MYO1G: variants seen among roughly 807,000 people sequenced by gnomAD.
MYO1G encodes the protein unconventional myosin-Ig.
Under a neutral mutation model 115.3 loss-of-function variants are expected in MYO1G, and 65 were observed. The observed-to-expected ratio is 0.56, with a 90% CI of 0.46 to 0.69. The LOEUF (loss-of-function observed/expected upper bound fraction) is 0.69. MYO1G is among the 30% of genes least tolerant of loss of function. MYO1G has a pLI of 0.00. For missense variants in MYO1G, 1,204 were observed against 1,393.5 expected, an observed-to-expected ratio of 0.86 and a Z score of 2.16; for synonymous variants, 510 against 552.6, an observed-to-expected ratio of 0.92 and a Z score of 1.08.
At chr7:44,975,299 C>G in intron 4 of MYO1G, 72 bp from the exon 5 acceptor site, 1 of 1,578,502 alleles carries the variant, frequency 6.3e-7, no homozygotes, top group South Asian at 1.1e-5. Flanking sequence ...CTGAACATTC[C>G]CAGGTGCAAG....
At chr7:44,965,137 G>C (rs775662682) in intron 17 of MYO1G, 48 bp from the exon 18 acceptor site, 2 of 1,569,382 alleles carry the variant, frequency 1.3e-6, no homozygotes, top group Admixed American at 1.7e-5. Flanking sequence ...GTGTTCATGT[G>C]CTCCCTGAGC....
rs772172953 is a variant in MYO1G at position 44,965,704 on chromosome 7, G to A, written c.2314C>T (p.Leu772Phe). The change falls in exon 17 of 22, where the codon CTT (leucine) becomes TTT (phenylalanine). Residue 772 changes from leucine (L) to phenylalanine (F), a missense_variant. Transcript: ENST00000258787. ...ACAGCAGGGGGCAGCGGCCACACAA[G>A]GTCACGCCCGTAGAGTGGCGGCTGC... ...ARQPPLYGRD[L>F]VWPLPPAVLQ... The A allele has an allele frequency of 2.5e-5, 41 of 1,613,080 alleles. No individual in the cohort carries two copies. Among genetic ancestry groups the A allele is most frequent in the Non-Finnish European group, 3.3e-5 (39 of 1,180,024 alleles).
At position 44,962,992 on chromosome 7, in the gene MYO1G, C is replaced by T. The variant is rs1562825522; in HGVS notation, c.2878G>A (p.Val960Met). ...CACCCCTGGCAGTGTGCGGCCAGCA[C>T]GCCCACCAGCTCCCCAACGCGGTTG... is the stretch of plus-strand genomic sequence containing the variant. ...LDNRVGELVG[V>M]LAAHCQGEGR... The change falls in exon 21 of 22, where the codon GTG (valine) becomes ATG (methionine). Residue 960 changes from valine (V) to methionine (M), a missense_variant. Transcript: ENST00000258787. The surrounding 1 kb of genome is among the most constrained non-coding windows in gnomAD (Gnocchi z 5.3). 8 of 1,532,808 alleles carry T rather than the reference C, an allele frequency of 5.2e-6. No homozygotes were observed. The highest frequency in any genetic ancestry group is 6.1e-6 in the Non-Finnish European group (7 of 1,144,238). 95.0% of individuals were successfully genotyped at this position (1,532,808 alleles called of 1,614,324 possible).
chr7:44,967,499 T>C, intron 14 of MYO1G, 106 bp downstream of exon 14: 1 of 1,451,326 alleles, frequency 6.9e-7, no homozygotes, highest in Non-Finnish European at 9.5e-7. Flanking sequence ...ACAAGAACCC[T>C]CTCCCCACCA....
chr7:44,977,160 A>G, intron 1 of MYO1G, 89 bp from the exon 2 acceptor site: 2 of 1,282,158 alleles, frequency 1.6e-6, no homozygotes, highest in East Asian at 2.4e-5. Flanking sequence ...GCCTGGCCCC[A>G]GTAGGCCAGC....
At position 44,965,695 on chromosome 7, in the gene MYO1G, G is replaced by A. The variant is rs1294886757; in HGVS notation, c.2323C>T (p.Pro775Ser). 2 of 1,613,310 alleles carry A rather than the reference G, an allele frequency of 1.2e-6. No homozygotes were observed. Among genetic ancestry groups the A allele is most frequent in the Non-Finnish European group, 8.5e-7 (1 of 1,180,018 alleles). ...PPLYGRDLVWPLPPAVLQPFQ... is the reference protein window; with the variant it reads ...PPLYGRDLVWSLPPAVLQPFQ... Reference sequence around the variant, plus strand: ...GGCTGCAGCACAGCAGGGGGCAGCGGCCACACAAGGTCACGCCCGTAGAGT... The same window carrying A: ...GGCTGCAGCACAGCAGGGGGCAGCGACCACACAAGGTCACGCCCGTAGAGT... Residue 775 changes from proline to serine, a missense_variant, in exon 17 of 22, where the codon CCG (proline) becomes TCG (serine). Physicochemically the swap from Pro to Ser is moderately conservative, Grantham distance 74. Transcript: ENST00000258787.
rs1203398519 is a variant in MYO1G at position 44,964,324 on chromosome 7, GC to G, written c.2631+90del. ...GGGTTGCCTCCATTTTCTCCCAAGT[GC>G]CCCCCCAAAACTCTGCACCAGCTTC... On this transcript the variant is annotated intron_variant, in intron 19 of 21. Coordinates refer to ENST00000258787, the MANE Select transcript of MYO1G (RefSeq NM_033054.3). This position sits in a 1 kb window ranked among gnomAD's most constrained non-coding sequence, Gnocchi z 5.1. 10 of 1,386,748 alleles carry G rather than the reference GC, an allele frequency of 7.2e-6. No individual in the cohort carries two copies. The East Asian group carries it at 9.2e-5, about 13-fold the overall frequency. The allele number at this position is 1,386,748 out of a possible 1,614,324, so 85.9% of individuals were successfully genotyped here. A position where few individuals can be genotyped will look rare whatever the true frequency, so the allele number is the denominator to read the frequency against.
In MYO1G at chr7:44,976,939, G is replaced by C; in HGVS notation, c.228C>G (p.Pro76=). The C allele has an allele frequency of 6.2e-7, 1 of 1,613,604 alleles. No individual in the cohort carries two copies. The highest frequency in any genetic ancestry group is 8.5e-7 in the Non-Finnish European group (1 of 1,180,026). Residue 76 remains proline (P), a synonymous_variant, in exon 2 of 22, where the codon CCC becomes CCG. Coordinates refer to ENST00000258787, the MANE Select transcript of MYO1G (RefSeq NM_033054.3). ...CGGCGTTGGCCACAGCATAGAGATG[G>C]GGTGGCCGCTCATAGAGCTCACGGC... ...YQGRELYERP[P]HLYAVANAAY...
At position 44,970,591 on chromosome 7, in the gene MYO1G, C is replaced by A. The variant is rs747473299; in HGVS notation, c.1217+1G>T. On this transcript the variant is annotated splice_donor_variant, in intron 9 of 21. Transcript: ENST00000258787. LOFTEE classifies it high-confidence loss of function. ...GGAGATGTGGCTGGCCAGCCACCCA[C>A]CTGTTGACGGGAAACACCTCGAAGC... 4 of 1,613,024 alleles carry A rather than the reference C, an allele frequency of 2.5e-6. No individual in the cohort carries two copies. In the African/African-American group the frequency reaches 5.3e-5, roughly 22 times the overall value.
intron 3 of MYO1G, among the ~76,000 whole-genome samples, chr7:44,976,138 C>T (rs1795045594): frequency 6.6e-6 from 1 of 152,218 alleles, no homozygotes; most frequent in African/African-American, 2.4e-5. Context: ...GACAGGTTTC[C>T]TGGTTTCAAG....
rs1453234647 is a variant in MYO1G, at chr7:44,972,237, A to G, written c.619-12T>C. ...CTGCCTCTCAGCAACTAGAGGACACAGGCATCCTTTAGACAAATAAGCTCC... is the reference window on the plus strand; with the variant it reads ...CTGCCTCTCAGCAACTAGAGGACACGGGCATCCTTTAGACAAATAAGCTCC... On this transcript the variant is annotated splice_polypyrimidine_tract_variant and intron_variant, in intron 5 of 21. Coordinates refer to ENST00000258787, the MANE Select transcript of MYO1G (RefSeq NM_033054.3). 6.2e-7 allele frequency: 1 copy of G among 1,600,486 alleles called. No homozygotes were observed. Among genetic ancestry groups the G allele is most frequent in the East Asian group, 2.2e-5 (1 of 44,836 alleles).
chr7:44,970,733 A>C lies in MYO1G; in HGVS notation c.1076T>G (p.Val359Gly). 1 of 1,613,976 alleles carries C rather than the reference A, an allele frequency of 6.2e-7. No individual in the cohort carries two copies. The highest frequency in any genetic ancestry group is 8.5e-7 in the Non-Finnish European group (1 of 1,180,018). ...SYARDACAKAVYQRLFEWVVN... is the reference protein window; with the variant it reads ...SYARDACAKAGYQRLFEWVVN... ...CACCCACTCAAACAGCCGCTGGTAC[A>C]CTGCCTGGGGGATAGGAACACCCTG... The change falls in exon 9 of 22, where the codon GTG (valine) becomes GGG (glycine). Residue 359 changes from valine (V) to glycine (G), a missense_variant. Transcript: ENST00000258787.
chr7:44,974,851 T>G, intron 5 of MYO1G: 4 of 426,722 alleles, frequency 9.4e-6, no homozygotes, highest in Non-Finnish European at 1.8e-5. Flanking sequence ...AGACACTGCC[T>G]GTAATCCCAG....
At position 44,969,482 on chromosome 7, in the gene MYO1G, A is replaced by G; in HGVS notation, c.1505T>C (p.Leu502Pro). 6.2e-7 allele frequency: 1 copy of G among 1,613,726 alleles called. No individual in the cohort carries two copies. The highest frequency in any genetic ancestry group is 8.5e-7 in the Non-Finnish European group (1 of 1,179,954). ...CTCCATGGTCTTGTCTGTGGGGCAGAGCTATGGGGACAGGCTGAGGTCAAG... is the reference window on the plus strand; with the variant it reads ...CTCCATGGTCTTGTCTGTGGGGCAGGGCTATGGGGACAGGCTGAGGTCAAG... Reference protein sequence around the residue: ...RHHLHYTSRQLCPTDKTMEFG... With the variant: ...RHHLHYTSRQPCPTDKTMEFG... Residue 502 changes from leucine (L) to proline (P), a missense_variant and splice_region_variant, in exon 12 of 22, where the codon CTC (leucine) becomes CCC (proline). Coordinates refer to ENST00000258787, the MANE Select transcript of MYO1G (RefSeq NM_033054.3). This position sits in a 1 kb window ranked among gnomAD's most constrained non-coding sequence, Gnocchi z 5.0.
rs1324236381 is a variant in MYO1G at position 44,963,987 on chromosome 7, C to G, written c.2745+62G>C. On this transcript the variant is annotated intron_variant, in intron 20 of 21. Transcript: ENST00000258787. The surrounding 1 kb of genome is among the most constrained non-coding windows in gnomAD (Gnocchi z 4.1). ...GGGGAGAGAAGACTGAGGCAGGACT[C>G]TGAGCAGCCCAGCAGTGCCCCTCAC... 6.8e-6 allele frequency: 9 copies of G among 1,322,270 alleles called. No individual in the cohort carries two copies. The highest frequency in any genetic ancestry group is 1.1e-6 in the Non-Finnish European group (1 of 942,098). The allele number at this position is 1,322,270 out of a possible 1,614,324, so 81.9% of individuals were successfully genotyped here. A position where few individuals can be genotyped will look rare whatever the true frequency, so the allele number is the denominator to read the frequency against.
intron 3 of MYO1G, 76 bp from the exon 4 acceptor site, chr7:44,975,725 C>A: frequency 7.0e-7 from 1 of 1,422,976 alleles, no homozygotes; most frequent in Non-Finnish European, 9.3e-7. Context: ...CCTGAGTCTT[C>A]CCAACAGAAA....
rs778545686 is a variant in MYO1G at position 44,976,613 on chromosome 7, G to C, written c.349C>G (p.Gln117Glu). 6.2e-7 allele frequency: 1 copy of C among 1,614,010 alleles called. No homozygotes were observed. Among genetic ancestry groups the C allele is most frequent in the Non-Finnish European group, 8.5e-7 (1 of 1,180,018 alleles). ...GGATTGGTGACAGCAGCGATGTACT[G>C]CATGATGTGCTTACTGGCTTCTGTC... ...GKTEASKHIMQYIAAVTNPSQ... is the reference protein window; with the variant it reads ...GKTEASKHIMEYIAAVTNPSQ... Residue 117 changes from glutamine to glutamate, a missense_variant, in exon 3 of 22, where the codon CAG becomes GAG. Transcript: ENST00000258787.
intron 4 of MYO1G, 82 bp from the exon 5 acceptor site, chr7:44,975,309 G>C: frequency 6.5e-7 from 1 of 1,543,870 alleles, no homozygotes; most frequent in Non-Finnish European, 9.0e-7. Context: ...CCAGGTGCAA[G>C]GCAGGCTGGG....
chr7:44,966,790 C>T lies in MYO1G; in HGVS notation c.1831G>A (p.Gly611Arg). 1 of 1,613,636 alleles carries T rather than the reference C, an allele frequency of 6.2e-7. No individual in the cohort carries two copies. Among genetic ancestry groups the T allele is most frequent in the Non-Finnish European group, 8.5e-7 (1 of 1,179,942 alleles). ...CIKPNEDKVAGKLDENHCRHQ... is the reference protein window; with the variant it reads ...CIKPNEDKVARKLDENHCRHQ... Reference sequence around the variant, plus strand: ...CGACAGTGGTTCTCATCCAGCTTCCCAGCTACCTTGTCCTCATTGGGCTTG... The same window carrying T: ...CGACAGTGGTTCTCATCCAGCTTCCTAGCTACCTTGTCCTCATTGGGCTTG... The change falls in exon 15 of 22, where the codon GGG (glycine) becomes AGG (arginine). Residue 611 changes from glycine (G) to arginine (R), a missense_variant. Transcript: ENST00000258787. The surrounding 1 kb of genome is among the most constrained non-coding windows in gnomAD (Gnocchi z 5.0).
Sources: gnomAD v4.1 joint callset for allele counts (sites outside exome capture counted in the v4.1 genomes callset) on GRCh38, gnomAD v4.1.1 for gene constraint, Gnocchi (gnomAD v3.1) non-coding constraint, MANE v1.5 for transcripts, NCBI Gene and HGNC (gene_info 2026-07-23, HGNC 2026-07-21) for gene names.